The following POLR3B variants were observed in gnomAD, a reference collection of about 807,000 sequenced individuals.
POLR3B encodes the protein DNA-directed RNA polymerase III subunit RPC2.
In POLR3B, 96 loss-of-function variants were observed where a neutral mutation model predicts 147.4. The observed-to-expected ratio is 0.65, with a 90% CI of 0.55 to 0.77. The LOEUF is 0.77. Ranked by LOEUF, POLR3B falls within the 30% of genes least tolerant of loss-of-function variation. The pLI is 0.00. For synonymous variants in POLR3B, 461 were observed against 485.9 expected (o/e 0.95, Z 0.67); for missense variants, 1,036 against 1,413.5 (o/e 0.73, Z 4.28).
At chr12:106,471,876 T>C (rs1007828932) in intron 23 of POLR3B, among the ~76,000 whole-genome samples, 2 of 152,002 alleles carry the variant, frequency 1.3e-5, no homozygotes, top group African/African-American at 4.8e-5. Context: ...TTTTTTTTTT[T>C]TATACTTTAA....
chr12:106,463,365 G>T (rs764081609), intron 22 of POLR3B, 113 bp from the exon 23 acceptor site: 15 of 919,602 alleles, frequency 1.6e-5, no homozygotes, highest in Admixed American at 2.3e-5. Context: ...CAGAGCCCAA[G>T]ATGAAAATGT....
chr12:106,391,587 C>T (rs2036915328), intron 9 of POLR3B, among the ~76,000 whole-genome samples: 1 of 152,154 alleles, frequency 6.6e-6, no homozygotes, highest in South Asian at 2.1e-4. Flanking sequence ...GAATGCAGAC[C>T]ACTGAAGGTC....
At chr12:106,404,790 G>T (rs1172867066) in intron 10 of POLR3B, among the ~76,000 whole-genome samples, 1 of 151,946 alleles carries the variant, frequency 6.6e-6, no homozygotes, top group African/African-American at 2.4e-5. Context: ...TGCTCTCTGT[G>T]TTCTGTTTAA....
intron 9 of POLR3B, among the ~76,000 whole-genome samples, chr12:106,384,869 C>A (rs2036813684): frequency 6.6e-6 from 1 of 151,344 alleles, no homozygotes; most frequent in South Asian, 2.1e-4. Context: ...GCTCTTTCAC[C>A]CAGGCTGGAG....
At chr12:106,375,948 G>A (rs901711401) in intron 6 of POLR3B, among the ~76,000 whole-genome samples, 4 of 152,112 alleles carry the variant, frequency 2.6e-5, no homozygotes, top group Non-Finnish European at 5.9e-5. Flanking sequence ...AAGTTCAAGC[G>A]ATTCTCCTGT....
intron 22 of POLR3B, among the ~76,000 whole-genome samples, chr12:106,462,366 G>A (rs2037950554): frequency 6.6e-6 from 1 of 152,164 alleles, no homozygotes; most frequent in Non-Finnish European, 1.5e-5. Context: ...TCTTGCCTTA[G>A]CCTCCTGAAT....
chr12:106,401,073 T>C (rs2037058134), intron 10 of POLR3B, among the ~76,000 whole-genome samples: 2 of 151,984 alleles, frequency 1.3e-5, no homozygotes, highest in Admixed American at 6.6e-5. Flanking sequence ...ATTGATAGAC[T>C]GCTAGCAAGA....
intron 15 of POLR3B, among the ~76,000 whole-genome samples, chr12:106,432,858 A>G (rs2037528116): frequency 1.3e-5 from 2 of 152,230 alleles, no homozygotes; most frequent in South Asian, 4.1e-4. Flanking sequence ...TTGTCTAGCC[A>G]TCTGATAATC....
At chr12:106,480,393 A>G (rs2038249248) in intron 23 of POLR3B, among the ~76,000 whole-genome samples, 2 of 152,274 alleles carry the variant, frequency 1.3e-5, no homozygotes, top group South Asian at 4.1e-4. Flanking sequence ...GTTTCAACAT[A>G]CTAGGATCTT....
intron 27 of POLR3B, among the ~76,000 whole-genome samples, chr12:106,507,163 G>T (rs1171206611): frequency 6.6e-6 from 1 of 152,104 alleles, no homozygotes; most frequent in Admixed American, 6.6e-5. Flanking sequence ...CATAGAGGAT[G>T]TTTCACTGGA....
chr12:106,416,840 G>A (rs148560363), intron 12 of POLR3B, among the ~76,000 whole-genome samples: 6 of 152,038 alleles, frequency 3.9e-5, no homozygotes, highest in African/African-American at 1.2e-4. Flanking sequence ...CCAAAGTGAG[G>A]CACTTACATC....
intron 12 of POLR3B, among the ~76,000 whole-genome samples, chr12:106,413,913 A>G (rs767691247): frequency 6.6e-6 from 1 of 151,868 alleles, no homozygotes; most frequent in African/African-American, 2.4e-5. Flanking sequence ...TCTTTTTCAC[A>G]TATTTTTGGT....
At chr12:106,468,893 G>T (rs181809111) in intron 23 of POLR3B, among the ~76,000 whole-genome samples, 38 of 152,274 alleles carry the variant, frequency 2.5e-4, no homozygotes, top group Non-Finnish European at 4.9e-4. Flanking sequence ...AGTGCGATGT[G>T]GTGCTGAGAA....
At chr12:106,463,320 T>G (rs188998508) in intron 22 of POLR3B, among the ~76,000 whole-genome samples, 158 bp from the exon 23 acceptor site, 100 of 152,304 alleles carry the variant, frequency 6.6e-4, no homozygotes, top group African/African-American at 2.3e-3. Flanking sequence ...ATTGTGAAAT[T>G]TGAATTTAAT....
chr12:106,463,415 G>A, intron 22 of POLR3B, 63 bp from the exon 23 acceptor site: 2 of 1,403,860 alleles, frequency 1.4e-6, no homozygotes, highest in South Asian at 1.2e-5. Context: ...AATATAACAT[G>A]GGTGAGAAGT....
At chr12:106,399,529 A>G (rs1336646120) in intron 10 of POLR3B, among the ~76,000 whole-genome samples, 2 of 152,220 alleles carry the variant, frequency 1.3e-5, no homozygotes, top group Admixed American at 6.5e-5. Flanking sequence ...TAATTGTCAG[A>G]TTCACCAAAG....
At position 106,472,901 on chromosome 12, in the gene POLR3B, C is replaced by T. The variant is rs2038114068; in HGVS notation, c.2713+9281C>T. On this transcript the variant is annotated intron_variant, in intron 23 of 27. Coordinates refer to ENST00000228347, the MANE Select transcript of POLR3B (RefSeq NM_018082.6). ...CATTTGTCAATTTTGGCTTTTGTTG[C>T]CATTGCTTTTGGTGTTTTGGACATG... 8.0e-5 allele frequency among the ~76,000 whole-genome samples: 11 copies of T among 137,584 alleles called. 1 individual carries two copies. The South Asian group carries it at 2.5e-3, about 32-fold the overall frequency. The allele number at this position is 137,584 out of a possible 152,430, so 90.3% of individuals were successfully genotyped here.
At position 106,509,555 on chromosome 12, in the gene POLR3B, G is replaced by GA. The variant is rs1284797974; in HGVS notation, c.*12dup. Reference sequence around the variant, plus strand: ...TGTCCAAGTACAATGAATGAGGATGGAAAAAATGATTATTAAAGAGAACAA... The same window carrying GA: ...TGTCCAAGTACAATGAATGAGGATGGAAAAAAATGATTATTAAAGAGAACAA... On this transcript the variant is annotated 3_prime_UTR_variant, in exon 28 of 28. Coordinates refer to ENST00000228347, the MANE Select transcript of POLR3B (RefSeq NM_018082.6). 4 of 1,609,658 alleles carry GA rather than the reference G, an allele frequency of 2.5e-6. No homozygotes were observed. Among genetic ancestry groups the GA allele is most frequent in the Admixed American group, 1.7e-5 (1 of 59,962 alleles).
At chr12:106,478,921 C>A (rs983648195) in intron 23 of POLR3B, among the ~76,000 whole-genome samples, 7 of 152,194 alleles carry the variant, frequency 4.6e-5, no homozygotes, top group African/African-American at 1.4e-4. Flanking sequence ...CATCTAAATT[C>A]CATGTAAATT....
Sources: gnomAD v4.1 joint callset for allele counts (sites outside exome capture counted in the v4.1 genomes callset) on GRCh38, gnomAD v4.1.1 for gene constraint, MANE v1.5 for transcripts, NCBI Gene and HGNC (gene_info 2026-07-23, HGNC 2026-07-21) for gene names.